The following ADK variants were observed in gnomAD, a reference collection of about 807,000 sequenced individuals.
ADK encodes N6,N6-dimethyladenosine kinase.
ADK carries 24 observed loss-of-function variants against 44.7 expected under a neutral mutation model. The observed-to-expected ratio is 0.54, with a 90% CI of 0.39 to 0.76. The LOEUF (loss-of-function observed/expected upper bound fraction) is 0.76, where lower values mean the gene tolerates loss of function less well. Ranked by LOEUF, ADK falls within the 30% of genes least tolerant of loss-of-function variation. The pLI, the probability that ADK is intolerant of heterozygous loss-of-function variation, is 0.00. For missense variants in ADK, 321 were observed against 425.1 expected (o/e 0.76, Z 2.15); for synonymous variants, 128 against 142.6 (o/e 0.90, Z 0.73).
intron 6 of ADK, among the ~76,000 whole-genome samples, chr10:74,452,976 A>G (rs1038671509): frequency 1.3e-5 from 2 of 152,070 alleles, no homozygotes; most frequent in African/African-American, 2.4e-5. Context: ...TTGTATGGAT[A>G]TACAATCAAA....
At chr10:74,291,456 CTAA>C (rs1472377562) in intron 3 of ADK, among the ~76,000 whole-genome samples, 7 of 151,998 alleles carry the variant, frequency 4.6e-5, no homozygotes, top group Admixed American at 1.3e-4. Context: ...CAACAAAACC[CTAA>C]TGTCACATAT....
chr10:74,306,490 CTCT>C (rs1361199795), intron 3 of ADK, among the ~76,000 whole-genome samples: 3 of 152,138 alleles, frequency 2.0e-5, no homozygotes, highest in Non-Finnish European at 4.4e-5. Context: ...TAGGCAGATA[CTCT>C]TCTCTTGCTT....
chr10:74,528,797 A>G (rs770546903), intron 7 of ADK, among the ~76,000 whole-genome samples: 38 of 152,210 alleles, frequency 2.5e-4, no homozygotes, highest in Non-Finnish European at 5.0e-4. Context: ...CAAGAAGTGC[A>G]AATCAAAACC....
At chr10:74,396,317 C>T (rs897768812) in intron 5 of ADK, among the ~76,000 whole-genome samples, 3 of 151,862 alleles carry the variant, frequency 2.0e-5, no homozygotes, top group Admixed American at 1.3e-4. Context: ...GCTGATCACT[C>T]GAGCTCAGGA....
chr10:74,195,617 G>A (rs1193796883), intron 1 of ADK, among the ~76,000 whole-genome samples: 1 of 151,522 alleles, frequency 6.6e-6, no homozygotes, highest in Non-Finnish European at 1.5e-5. Flanking sequence ...CCTGGTAGCT[G>A]GGATTATGGG....
intron 6 of ADK, among the ~76,000 whole-genome samples, chr10:74,502,219 G>A (rs1007050025): frequency 5.9e-5 from 9 of 151,996 alleles, no homozygotes; most frequent in Non-Finnish European, 1.2e-4. Flanking sequence ...ACTGCATGCT[G>A]CTTTATTATC....
At chr10:74,217,682 G>T (rs1243014870) in intron 2 of ADK, among the ~76,000 whole-genome samples, 1 of 152,182 alleles carries the variant, frequency 6.6e-6, no homozygotes, top group Non-Finnish European at 1.5e-5. Context: ...AACTTCCAGA[G>T]GAACGATCAG....
chr10:74,601,016 T>C (rs2133965374), intron 9 of ADK, among the ~76,000 whole-genome samples: 1 of 152,024 alleles, frequency 6.6e-6, no homozygotes, highest in South Asian at 2.1e-4. Context: ...CTACCCACTA[T>C]TAAAAATATA....
chr10:74,217,533 G>A (rs1043320954), intron 2 of ADK, among the ~76,000 whole-genome samples: 6 of 152,262 alleles, frequency 3.9e-5, no homozygotes, highest in East Asian at 1.9e-4. Flanking sequence ...CTCCCAGCAC[G>A]CAGCTGGAGA....
intron 4 of ADK, among the ~76,000 whole-genome samples, chr10:74,387,661 A>G (rs558810548): frequency 1.9e-4 from 29 of 152,156 alleles, no homozygotes; most frequent in Middle Eastern, 3.4e-3. Flanking sequence ...GATCTCTCTC[A>G]TGGGTATTTT....
intron 4 of ADK, among the ~76,000 whole-genome samples, chr10:74,324,356 A>G (rs113791265): frequency 1.9e-3 from 287 of 152,214 alleles, no homozygotes; most frequent in African/African-American, 6.6e-3. Context: ...AAACTTATTC[A>G]TGTATGTGAT....
chr10:74,560,554 T>C (rs1850421117), intron 7 of ADK, among the ~76,000 whole-genome samples: 1 of 152,254 alleles, frequency 6.6e-6, no homozygotes, highest in South Asian at 2.1e-4. Flanking sequence ...TGTAAAGTCA[T>C]AGTAGCATGT....
intron 3 of ADK, among the ~76,000 whole-genome samples, chr10:74,261,646 G>A (rs545587833): frequency 5.3e-5 from 8 of 152,280 alleles, no homozygotes; most frequent in African/African-American, 1.9e-4. Context: ...TGGAAATGCA[G>A]ATTGAAAATA....
intron 6 of ADK, among the ~76,000 whole-genome samples, chr10:74,487,084 G>A (rs751693947): frequency 5.2e-4 from 79 of 152,116 alleles, no homozygotes; most frequent in Admixed American, 4.8e-3. Context: ...CATTCATAAA[G>A]CAGTCTTGTA....
chr10:74,236,814 T>TA (rs1173644556), intron 3 of ADK, among the ~76,000 whole-genome samples: 9 of 152,212 alleles, frequency 5.9e-5, no homozygotes, highest in African/African-American at 2.2e-4. Flanking sequence ...ACATTGTGTA[T>TA]AAAAAATGTA....
intron 3 of ADK, among the ~76,000 whole-genome samples, chr10:74,274,105 C>T (rs1300940217): frequency 6.6e-6 from 1 of 152,084 alleles, no homozygotes. Flanking sequence ...ACCCTTTGCA[C>T]AGTTGAAAAT....
At chr10:74,481,887 C>T (rs1355505159) in intron 6 of ADK, among the ~76,000 whole-genome samples, 2 of 152,208 alleles carry the variant, frequency 1.3e-5, no homozygotes, top group Non-Finnish European at 1.5e-5. Context: ...GGTCTTAACT[C>T]AGGACAATAC....
intron 7 of ADK, among the ~76,000 whole-genome samples, chr10:74,542,511 T>A (rs1849674241): frequency 6.6e-6 from 1 of 152,154 alleles, no homozygotes; most frequent in Non-Finnish European, 1.5e-5. Context: ...CCTTCAAGTA[T>A]TTTAATTTTT....
intron 4 of ADK, among the ~76,000 whole-genome samples, chr10:74,331,709 C>T (rs930837913): frequency 6.2e-4 from 94 of 152,192 alleles, no homozygotes; most frequent in Admixed American, 2.7e-3. Flanking sequence ...TGGTCTCAAA[C>T]TCCTGACTTC....
Sources: gnomAD v4.1 joint callset for allele counts (sites outside exome capture counted in the v4.1 genomes callset) on GRCh38, gnomAD v4.1.1 for gene constraint, MANE v1.5 for transcripts, NCBI Gene and HGNC (gene_info 2026-07-23, HGNC 2026-07-21) for gene names.